MAMDC2: variants seen among roughly 807,000 people sequenced by gnomAD.
MAMDC2 encodes MAM domain containing 2.
In MAMDC2, 57 loss-of-function variants were observed where a neutral mutation model predicts 89.8. The ratio of observed to expected loss-of-function variants is 0.63; its 90% CI spans 0.51 to 0.79. MAMDC2 has a LOEUF of 0.79. Ranked by LOEUF, MAMDC2 falls within the 30% of genes least tolerant of loss-of-function variation. The probability of loss-of-function intolerance (pLI) is 0.00; values close to 1 mark genes in which losing one functional copy is unlikely to be tolerated. For synonymous variants in MAMDC2, 313 were observed against 293.4 expected (o/e 1.07, Z -0.68); for missense variants, 800 against 820.6 (o/e 0.97, Z 0.31).
intron 11 of MAMDC2, among the ~76,000 whole-genome samples, chr9:70,183,547 A>T (rs2032688080): frequency 1.3e-5 from 2 of 152,172 alleles, no homozygotes. Flanking sequence ...GTGCATATAT[A>T]TTTAGGATAG....
chr9:70,110,661 G>A (rs1212920872), intron 4 of MAMDC2, among the ~76,000 whole-genome samples: 1 of 152,144 alleles, frequency 6.6e-6, no homozygotes, highest in Non-Finnish European at 1.5e-5. Flanking sequence ...GTGGAGCTTG[G>A]ACCTGCTGAA....
At chr9:70,106,980 AAAAC>A (rs1178665827) in intron 2 of MAMDC2, among the ~76,000 whole-genome samples, 1 of 152,166 alleles carries the variant, frequency 6.6e-6, no homozygotes, top group East Asian at 1.9e-4. Context: ...AACATCAAGC[AAAAC>A]AAAGAGGCTT....
chr9:70,139,686 G>GA (rs2031137806), intron 7 of MAMDC2, among the ~76,000 whole-genome samples: 1 of 152,128 alleles, frequency 6.6e-6, no homozygotes. Flanking sequence ...GATCCCTGAG[G>GA]AATCGCCACA....
At chr9:70,210,957 C>G (rs559239001) in intron 11 of MAMDC2, among the ~76,000 whole-genome samples, 1 of 152,102 alleles carries the variant, frequency 6.6e-6, no homozygotes, top group Admixed American at 6.5e-5. Flanking sequence ...GAATATTGGC[C>G]CCCACTCTCT....
intron 2 of MAMDC2, among the ~76,000 whole-genome samples, chr9:70,061,449 T>C (rs1827149242): frequency 6.6e-6 from 1 of 152,216 alleles, no homozygotes; most frequent in African/African-American, 2.4e-5. Context: ...ATTGGTATTC[T>C]TTCAGAACAT....
At chr9:70,123,045 C>T (rs2030356678) in intron 5 of MAMDC2, among the ~76,000 whole-genome samples, 1 of 152,138 alleles carries the variant, frequency 6.6e-6, no homozygotes, top group South Asian at 2.1e-4. Flanking sequence ...GTTCCTTCAG[C>T]AAGTTCTCTT....
intron 11 of MAMDC2, among the ~76,000 whole-genome samples, chr9:70,212,388 G>C (rs1379163217): frequency 6.6e-6 from 1 of 152,232 alleles, no homozygotes; most frequent in African/African-American, 2.4e-5. Flanking sequence ...TGCCGTGTTA[G>C]CAGTGAGCGA....
chr9:70,088,956 A>T (rs1374803128), intron 2 of MAMDC2: 1 of 152,146 alleles, frequency 6.6e-6, no homozygotes, highest in Non-Finnish European at 1.5e-5. Context: ...CTACACCAGG[A>T]ATTGTGCTGG....
chr9:70,140,955 C>G (rs1048532848), intron 8 of MAMDC2, among the ~76,000 whole-genome samples: 1 of 152,076 alleles, frequency 6.6e-6, no homozygotes, highest in Admixed American at 6.5e-5. Flanking sequence ...TCAATGACAG[C>G]CTTTGTGGAG....
At chr9:70,068,127 G>A (rs966759136) in intron 2 of MAMDC2, among the ~76,000 whole-genome samples, 2 of 152,188 alleles carry the variant, frequency 1.3e-5, no homozygotes, top group Non-Finnish European at 2.9e-5. Flanking sequence ...CCAGAGAAGA[G>A]TTAAGCTTGA....
intron 5 of MAMDC2, among the ~76,000 whole-genome samples, chr9:70,124,698 T>C (rs1342527959): frequency 6.6e-6 from 1 of 152,234 alleles, no homozygotes; most frequent in Non-Finnish European, 1.5e-5. Flanking sequence ...AGAAAAGGTA[T>C]TCTTTATTTC....
chr9:70,086,436 G>A (rs1027965762), intron 2 of MAMDC2: 9 of 152,114 alleles, frequency 5.9e-5, no homozygotes, highest in African/African-American at 2.2e-4. Context: ...CTGTCTTGAG[G>A]AGAAACAAAA....
intron 9 of MAMDC2, among the ~76,000 whole-genome samples, chr9:70,150,147 AGAGCTAT>A (rs1382970783): frequency 6.6e-6 from 1 of 152,206 alleles, no homozygotes; most frequent in African/African-American, 2.4e-5. Context: ...AGAGTTTTCC[AGAGCTAT>A]GACACCCAAA....
chr9:70,137,239 T>C (rs1205205826), intron 7 of MAMDC2, among the ~76,000 whole-genome samples: 2 of 152,244 alleles, frequency 1.3e-5, no homozygotes, highest in Non-Finnish European at 1.5e-5. Context: ...AGAACTCCTA[T>C]ATACTTTTCA....
Position 70,108,423 on chromosome 9 carries a change from C to T in MAMDC2, c.361C>T (p.Pro121Ser), listed in dbSNP as rs748772169. ...TCGCTTGCTTTGGTCAGCTAAGGAA[C>T]CTTCAGACAGCTGGCTCATAGCCAG... ...FDRLLWSAKE[P>S]SDSWLIASLD... Residue 121 changes from proline to serine, a missense_variant, in exon 3 of 14, where the codon CCT (proline) becomes TCT (serine). Pro to Ser is a moderately conservative substitution (Grantham distance 74). Transcript: ENST00000377182. 40 of 1,613,426 alleles carry T rather than the reference C, an allele frequency of 2.5e-5. No homozygotes were observed. The highest frequency in any genetic ancestry group is 3.1e-5 in the Non-Finnish European group (37 of 1,179,790).
intron 2 of MAMDC2, among the ~76,000 whole-genome samples, chr9:70,103,679 C>T (rs1375379287): frequency 4.0e-5 from 6 of 151,488 alleles, no homozygotes; most frequent in Admixed American, 2.6e-4. Context: ...TCAAAGGATA[C>T]CATAAAAAAG....
intron 2 of MAMDC2, among the ~76,000 whole-genome samples, chr9:70,070,707 T>C (rs1468100736): frequency 6.6e-6 from 1 of 152,200 alleles, no homozygotes; most frequent in Non-Finnish European, 1.5e-5. Flanking sequence ...AACTTCAGTC[T>C]ATTTTGGGTC....
intron 2 of MAMDC2, among the ~76,000 whole-genome samples, chr9:70,054,467 G>T (rs540238671): frequency 6.6e-6 from 1 of 152,150 alleles, no homozygotes; most frequent in South Asian, 2.1e-4. Flanking sequence ...CAGTAGGGTG[G>T]AACAAATGGG....
chr9:70,214,853 G>GTC (rs1445528473), intron 11 of MAMDC2, among the ~76,000 whole-genome samples: 1 of 152,172 alleles, frequency 6.6e-6, no homozygotes, highest in Non-Finnish European at 1.5e-5. Flanking sequence ...GGTTTTGGGT[G>GTC]TCAACGACTG....
Sources: allele counts gnomAD v4.1 joint callset (sites outside exome capture counted in the v4.1 genomes callset), GRCh38; gene constraint gnomAD v4.1.1; transcripts MANE v1.5; gene names NCBI Gene and HGNC (gene_info 2026-07-23, HGNC 2026-07-21).